Variants in NXF3 observed in about 807,000 individuals in gnomAD.
The protein encoded by NXF3 is nuclear RNA export factor 3.
Under a neutral mutation model 48.4 loss-of-function variants are expected in NXF3, and 34 were observed. That is an observed-to-expected ratio of 0.70 (90% confidence interval 0.53 to 0.93). The LOEUF (loss-of-function observed/expected upper bound fraction) is 0.93. Among genes scored for constraint, NXF3 ranks in the 40% least tolerant of loss-of-function variants. NXF3 has a pLI of 0.00. For missense variants in NXF3, 359 were observed against 406.1 expected, an observed-to-expected ratio of 0.88 and a Z score of 1.00; for synonymous variants, 132 against 145.7, an observed-to-expected ratio of 0.91 and a Z score of 0.68.
intron 1 of NXF3, chrX:103,088,450 G>GA (rs1212315248): frequency 4.8e-6 from 4 of 837,380 alleles, no homozygotes; most frequent in Admixed American, 2.6e-5. Flanking sequence ...CAAAATGTGG[G>GA]AAAAAAATGA....
At chrX:103,082,668 G>A in intron 8 of NXF3, 92 bp downstream of exon 8, 1 of 726,026 alleles carries the variant, frequency 1.4e-6, no homozygotes, top group Non-Finnish European at 2.1e-6. Flanking sequence ...TAAGAGTGAA[G>A]GCCCCCAACA....
chrX:103,087,835 T>C (rs1205627568), intron 1 of NXF3: 18 of 939,151 alleles, frequency 1.9e-5, no homozygotes, highest in Non-Finnish European at 3.0e-6. Flanking sequence ...CAGAAGACCT[T>C]TTCAATGTTG....
chrX:103,077,843 C>T (rs1452630069), intron 17 of NXF3, 97 bp from the exon 18 acceptor site: 2 of 998,035 alleles, frequency 2.0e-6, no homozygotes, highest in Non-Finnish European at 1.4e-6. Context: ...CTGATTTCTT[C>T]GATACCTCTA....
At chrX:103,091,029 T>C (rs1219408466) in intron 1 of NXF3, among the ~76,000 whole-genome samples, 1 of 112,268 alleles carries the variant, frequency 8.9e-6, no homozygotes, top group African/African-American at 3.2e-5. Flanking sequence ...ATGTTCAAGG[T>C]TTTCTCCTTA....
intron 1 of NXF3, chrX:103,088,335 A>C: frequency 3.7e-6 from 2 of 544,010 alleles, no homozygotes; most frequent in South Asian, 4.9e-5. Context: ...AACAAACCCA[A>C]AGAACATTTG....
intron 19 of NXF3, 118 bp downstream of exon 19, chrX:103,076,123 T>C: frequency 1.9e-6 from 1 of 521,893 alleles, no homozygotes; most frequent in Non-Finnish European, 3.4e-6. Flanking sequence ...TCTAGGATCT[T>C]GCCCTTGGCC....
In NXF3 at chrX:103,084,803, C is replaced by T. The variant is rs1440467687; in HGVS notation, c.109G>A (p.Val37Ile). Residue 37 changes from valine (V) to isoleucine (I), a missense_variant, in exon 2 of 20, where the codon GTC becomes ATC. Val to Ile is a conservative substitution (Grantham distance 29). Coordinates refer to ENST00000395065, the MANE Select transcript of NXF3 (RefSeq NM_022052.2). ...GATGAAGAATGCATGCCAGGATTGA[C>T]AGGTTCAGACCTACTGCTAAATCTC... ...QRRFSSRSEP[V>I]NPGMHSSSHQ... 1.7e-6 allele frequency: 2 copies of T among 1,211,156 alleles called. No homozygotes were observed. The highest frequency in any genetic ancestry group is 3.5e-5 in the South Asian group (2 of 56,988).
chrX:103,079,289 A>T, intron 15 of NXF3, 26 bp from the exon 16 acceptor site: 1 of 1,211,125 alleles, frequency 8.3e-7, no homozygotes, highest in Non-Finnish European at 1.1e-6. Context: ...TCAGGTGCTC[A>T]GGATCCCCCT....
At chrX:103,088,064 T>A (rs780237508) in intron 1 of NXF3, 5 of 888,853 alleles carry the variant, frequency 5.6e-6, no homozygotes, top group Non-Finnish European at 8.1e-6. Context: ...ATTTATATTG[T>A]CCCTTTTCAA....
chrX:103,091,361 C>T (rs1356468005), intron 1 of NXF3, among the ~76,000 whole-genome samples: 42 of 111,777 alleles, frequency 3.8e-4, no homozygotes, highest in Admixed American at 9.5e-5. Context: ...GTGAATTAAA[C>T]CAATTGCAGA....
chrX:103,081,792 T>C (rs1457129983), intron 9 of NXF3: 2 of 120,396 alleles, frequency 1.7e-5, no homozygotes, highest in African/African-American at 3.2e-5. Flanking sequence ...CATGCCAGCC[T>C]GGGACAGGAG....
intron 7 of NXF3, 65 bp from the exon 8 acceptor site, chrX:103,082,913 C>G: frequency 2.6e-6 from 3 of 1,134,845 alleles, no homozygotes; most frequent in Non-Finnish European, 3.6e-6. Flanking sequence ...AGCATCAGCA[C>G]TAACCCCTCC....
rs1400990384 is a variant in NXF3, at chrX:103,078,570, T to C, written c.1441A>G (p.Ser481Gly). 2.0e-5 allele frequency: 24 copies of C among 1,210,686 alleles called. No homozygotes were observed. The highest frequency in any genetic ancestry group is 2.7e-5 in the Non-Finnish European group (24 of 895,449). ...CAACACAGCACTAACCTGGAACTGC[T>C]GCCAGGGGTAGCAATGAAGGTCCGG... ...FTRTFIATPGSSSSLCIVNDK... is the reference protein window; with the variant it reads ...FTRTFIATPGGSSSLCIVNDK... The change falls in exon 17 of 20, where the codon AGC becomes GGC. Residue 481 changes from serine (S) to glycine (G), a missense_variant. Transcript: ENST00000395065.
Position 103,083,687 on chromosome X carries a change from G to C in NXF3, c.357C>G (p.Pro119=). 1.7e-6 allele frequency: 2 copies of C among 1,196,839 alleles called. No homozygotes were observed. Among genetic ancestry groups the C allele is most frequent in the Non-Finnish European group, 2.3e-6 (2 of 882,157 alleles). The change falls in exon 4 of 20, where the codon CCC becomes CCG. Residue 119 remains proline, a synonymous_variant. Transcript: ENST00000395065. ...TLGSWFKITV[P]FGIKYNEKWL... is the part of the protein sequence containing the mutation. ...ACTTCTCATTGTATTTTATGCCAAAGGGAACCTATGAGTGAAAGAAAGAAT... is the reference window on the plus strand; with the variant it reads ...ACTTCTCATTGTATTTTATGCCAAACGGAACCTATGAGTGAAAGAAAGAAT...
chrX:103,079,546 C>T, intron 14 of NXF3, 38 bp downstream of exon 14: 3 of 1,194,215 alleles, frequency 2.5e-6, no homozygotes, highest in African/African-American at 1.7e-5. Flanking sequence ...CCTGTCACAC[C>T]CCCTTACCCT....
chrX:103,088,389 TA>T lies in NXF3; in HGVS notation c.29-3507del, dbSNP rs34088564. The T allele has an allele frequency of 1.1e-4, 60 of 525,815 alleles. 1 individual carries two copies. The highest frequency in any genetic ancestry group is 7.7e-4 in the Admixed American group (25 of 32,626). 43.3% of individuals were successfully genotyped at this position (525,815 alleles called of 1,213,427 possible). On this transcript the variant is annotated intron_variant, in intron 1 of 19. Coordinates refer to ENST00000395065, the MANE Select transcript of NXF3 (RefSeq NM_022052.2). Reference sequence around the variant, plus strand: ...ATGGAACATATAAAACAATTGGCAATAAAAAAAAACATTGACTTTGCGATTT... The same window carrying T: ...ATGGAACATATAAAACAATTGGCAATAAAAAAAACATTGACTTTGCGATTT...
chrX:103,078,959 G>C (rs1259356513), intron 16 of NXF3, among the ~76,000 whole-genome samples: 1 of 112,573 alleles, frequency 8.9e-6, no homozygotes, highest in Non-Finnish European at 1.9e-5. Flanking sequence ...ACTAGCACAA[G>C]TTCAGAGTAA....
chrX:103,086,508 A>G (rs1922159305), intron 1 of NXF3, among the ~76,000 whole-genome samples: 2 of 111,425 alleles, frequency 1.8e-5, no homozygotes, highest in South Asian at 7.7e-4. Flanking sequence ...TTAATAGTTA[A>G]AACTATTAAT....
intron 10 of NXF3, 107 bp from the exon 11 acceptor site, chrX:103,080,323 A>G (rs1357324588): frequency 2.4e-6 from 2 of 829,396 alleles, no homozygotes; most frequent in African/African-American, 4.1e-5. Flanking sequence ...CAGGTGTGAA[A>G]GCGTTCTGGA....
Sources: allele counts gnomAD v4.1 joint callset (sites outside exome capture counted in the v4.1 genomes callset), GRCh38; gene constraint gnomAD v4.1.1; transcripts MANE v1.5; gene names NCBI Gene and HGNC (gene_info 2026-07-23, HGNC 2026-07-21).